SAMTOR: variants seen among roughly 807,000 people sequenced by gnomAD.
The protein encoded by SAMTOR is S-adenosylmethionine sensor upstream of mTORC1, also known as UPF0532 protein C7orf60.
the SAMTOR span, among the ~76,000 whole-genome samples, chr7:112,927,241 A>C: frequency 6.6e-6 from 1 of 152,086 alleles, no homozygotes; most frequent in Non-Finnish European, 1.5e-5. Context: ...TATACAAACA[A>C]TATATTAAAA....
chr7:112,826,412 G>A, the SAMTOR span, among the ~76,000 whole-genome samples: 1 of 152,080 alleles, frequency 6.6e-6, no homozygotes, highest in Non-Finnish European at 1.5e-5. Context: ...TGTCTTTCAA[G>A]GAATTGGTCC....
At chr7:112,820,204 T>C in the SAMTOR span, 4 of 152,496 alleles carry the variant, frequency 2.6e-5, no homozygotes, top group Non-Finnish European at 5.9e-5. Flanking sequence ...GTACATACAC[T>C]CAACCATTTA....
chr7:112,897,014 A>G, the SAMTOR span, among the ~76,000 whole-genome samples: 2 of 152,138 alleles, frequency 1.3e-5, no homozygotes, highest in African/African-American at 4.8e-5. Context: ...TCACAAATGA[A>G]AAAACCCTGA....
At chr7:112,832,304 C>T in the SAMTOR span, among the ~76,000 whole-genome samples, 3 of 152,190 alleles carry the variant, frequency 2.0e-5, no homozygotes, top group Admixed American at 1.3e-4. Flanking sequence ...AGTGATCCAC[C>T]ATGCCCAGTT....
At chr7:112,871,842 C>T in the SAMTOR span, among the ~76,000 whole-genome samples, 1 of 152,122 alleles carries the variant, frequency 6.6e-6, no homozygotes, top group Non-Finnish European at 1.5e-5. Flanking sequence ...CAAAGAAATA[C>T]AAGAGATCCC....
the SAMTOR span, among the ~76,000 whole-genome samples, chr7:112,912,017 T>C: frequency 2.0e-5 from 3 of 151,604 alleles, no homozygotes; most frequent in Admixed American, 6.6e-5. Context: ...TGAGACTTGA[T>C]TGGATTTAGA....
the SAMTOR span, among the ~76,000 whole-genome samples, chr7:112,904,859 G>A: frequency 1.3e-5 from 2 of 152,108 alleles, no homozygotes; most frequent in Non-Finnish European, 2.9e-5. Context: ...TATTAATCAT[G>A]TTTTTTACTT....
At chr7:112,881,360 A>T in the SAMTOR span, among the ~76,000 whole-genome samples, 3 of 151,996 alleles carry the variant, frequency 2.0e-5, no homozygotes, top group Non-Finnish European at 4.4e-5. Flanking sequence ...TGAAGACTCA[A>T]CTCAGCCAGG....
chr7:112,905,521 A>C, the SAMTOR span, among the ~76,000 whole-genome samples: 1 of 152,214 alleles, frequency 6.6e-6, no homozygotes, highest in South Asian at 2.1e-4. Context: ...GGCCAATATC[A>C]CTTATAAATA....
chr7:112,908,916 C>G, the SAMTOR span, among the ~76,000 whole-genome samples: 11,085 of 152,146 alleles, frequency 0.073, 458 homozygotes, highest in South Asian at 0.13. Flanking sequence ...ACCAAGATAG[C>G]TGACATAATG....
the SAMTOR span, among the ~76,000 whole-genome samples, chr7:112,930,451 C>T: frequency 6.6e-6 from 1 of 150,900 alleles, no homozygotes. Context: ...GGGAAGAAAA[C>T]ACCACCAATA....
At chr7:112,909,890 T>A in the SAMTOR span, among the ~76,000 whole-genome samples, 1 of 151,150 alleles carries the variant, frequency 6.6e-6, no homozygotes, top group South Asian at 2.1e-4. Context: ...TATTATATAT[T>A]TTTCTAATTC....
At chr7:112,845,114 G>A in the SAMTOR span, among the ~76,000 whole-genome samples, 1 of 152,106 alleles carries the variant, frequency 6.6e-6, no homozygotes, top group Non-Finnish European at 1.5e-5. Context: ...AGACTTAAAT[G>A]TAAAACTTAA....
the SAMTOR span, among the ~76,000 whole-genome samples, chr7:112,892,480 T>C: frequency 1.3e-5 from 2 of 152,180 alleles, no homozygotes; most frequent in Non-Finnish European, 2.9e-5. Flanking sequence ...TTAAATAACA[T>C]GACTTGAGCC....
At chr7:112,907,112 T>G in the SAMTOR span, among the ~76,000 whole-genome samples, 3 of 152,084 alleles carry the variant, frequency 2.0e-5, no homozygotes, top group Admixed American at 1.3e-4. Flanking sequence ...GTCTTTATGA[T>G]TAAAATAGTG....
chr7:112,939,752 T>TCGCAGCCGC, the SAMTOR span: 2 of 1,592,874 alleles, frequency 1.3e-6, no homozygotes, highest in Non-Finnish European at 8.5e-7. Context: ...TGGCTCCATA[T>TCGCAGCCGC]CGCAGCCGCC....
the SAMTOR span, among the ~76,000 whole-genome samples, chr7:112,918,865 T>C: frequency 6.6e-6 from 1 of 152,220 alleles, no homozygotes; most frequent in Admixed American, 6.5e-5. Context: ...CATTACATAA[T>C]GGTAAAGGGA....
the SAMTOR span, among the ~76,000 whole-genome samples, chr7:112,916,128 C>T: frequency 6.6e-6 from 1 of 152,098 alleles, no homozygotes; most frequent in African/African-American, 2.4e-5. Flanking sequence ...GAAGCCTCTC[C>T]AAAGTTTGTA....
At chr7:112,875,101 C>CT in the SAMTOR span, among the ~76,000 whole-genome samples, 3 of 152,288 alleles carry the variant, frequency 2.0e-5, no homozygotes, top group African/African-American at 7.2e-5. Context: ...CCTCTGGTGT[C>CT]ACCTGACTGC....
Sources: allele counts gnomAD v4.1 joint callset (sites outside exome capture counted in the v4.1 genomes callset), GRCh38; gene constraint gnomAD v4.1.1; transcripts MANE v1.5; gene names NCBI Gene and HGNC (gene_info 2026-07-23, HGNC 2026-07-21).